CEP290: variants seen among roughly 807,000 people sequenced by gnomAD.
CEP290 encodes the protein centrosomal protein 290.
A neutral mutation model predicts 344.9 loss-of-function variants in CEP290; 317 were observed. The observed-to-expected ratio is 0.92, with a 90% CI of 0.84 to 1.01. The LOEUF is 1.01. Among genes scored for constraint, CEP290 ranks in the 50% least tolerant of loss-of-function variants. The pLI is 0.00. For missense variants in CEP290, 2,754 were observed against 2,761.4 expected (o/e 1.00, Z 0.06); for synonymous variants, 932 against 895.8 (o/e 1.04, Z -0.72).
At chr12:88,058,379 G>C (rs545875584) in intron 49 of CEP290, 2 of 155,936 alleles carry the variant, frequency 1.3e-5, no homozygotes, top group South Asian at 4.0e-4. Flanking sequence ...AGTTGCCCAG[G>C]ATATAACTCT....
At chr12:88,122,372 T>C (rs143575035) in intron 13 of CEP290, among the ~76,000 whole-genome samples, 74 of 152,260 alleles carry the variant, frequency 4.9e-4, no homozygotes, top group African/African-American at 1.5e-3. Context: ...TCCATCCATT[T>C]TGGATGGGGC....
intron 28 of CEP290, chr12:88,093,553 CTAA>C: frequency 4.4e-6 from 2 of 455,102 alleles, no homozygotes; most frequent in Non-Finnish European, 3.9e-6. Context: ...TAAATTAAAT[CTAA>C]TAATATAACA....
intron 4 of CEP290, 61 bp downstream of exon 4, chr12:88,139,434 T>C (rs2040515755): frequency 8.7e-7 from 1 of 1,147,656 alleles, no homozygotes; most frequent in Non-Finnish European, 1.2e-6. Flanking sequence ...TTTTCTACAG[T>C]TTAATGAACA....
chr12:88,080,517 C>T (rs765728624), intron 37 of CEP290, 122 bp from the exon 38 acceptor site: 2 of 657,644 alleles, frequency 3.0e-6, no homozygotes, highest in Non-Finnish European at 5.0e-6. Flanking sequence ...GCAACCTCTG[C>T]CTCCCAGATT....
intron 39 of CEP290, among the ~76,000 whole-genome samples, chr12:88,078,132 A>T (rs1256829175): frequency 6.6e-6 from 1 of 151,940 alleles, no homozygotes; most frequent in African/African-American, 2.4e-5. Context: ...AAAAAAAAAA[A>T]AAACTAGTGT....
Position 88,071,919 on chromosome 12 carries a change from T to C in CEP290, c.5717A>G (p.Lys1906Arg). Residue 1906 changes from lysine (K) to arginine (R), a missense_variant, in exon 42 of 54, where the codon AAA becomes AGA. Coordinates refer to ENST00000552810, the MANE Select transcript of CEP290 (RefSeq NM_025114.4). ...DLKPMKEKNA[K>R]EELIRWEEGK... is the part of the protein sequence containing the mutation. ...TTCTTCCCACCTAATTAATTCTTCT[T>C]TAGCATTCTGTAACAATAACGAAGG... 1 of 1,589,420 alleles carries C rather than the reference T, an allele frequency of 6.3e-7. No homozygotes were observed. Among genetic ancestry groups the C allele is most frequent in the Non-Finnish European group, 8.5e-7 (1 of 1,171,322 alleles).
chr12:88,058,637 C>T (rs2034208422), intron 49 of CEP290: 1 of 586,128 alleles, frequency 1.7e-6, no homozygotes, highest in East Asian at 3.0e-5. Context: ...CCATGCCCTG[C>T]CACCCAAACA....
chr12:88,118,511 T>C lies in CEP290; in HGVS notation c.1683A>G (p.Gln561=), dbSNP rs2039202229. 1.3e-6 allele frequency: 2 copies of C among 1,566,194 alleles called. No homozygotes were observed. Among genetic ancestry groups the C allele is most frequent in the Non-Finnish European group, 1.7e-6 (2 of 1,153,752 alleles). ...DLKKKIRQMA[Q]ERGKRSATSG... The stretch of plus-strand genomic sequence containing the variant: ...AAGTTGCACTTCTTTTTCCTCTTTC[T>C]TGAGCCATTTGACGAATTTTTTTTT... The change falls in exon 17 of 54, where the codon CAA becomes CAG. Residue 561 remains glutamine, a synonymous_variant. Coordinates refer to ENST00000552810, the MANE Select transcript of CEP290 (RefSeq NM_025114.4).
At position 88,071,785 on chromosome 12, in the gene CEP290, CA is replaced by C. The variant is rs386834159; in HGVS notation, c.5850del (p.Phe1950LeufsTer15). 43 of 1,588,746 alleles carry C rather than the reference CA, an allele frequency of 2.7e-5. No homozygotes were observed. The highest frequency in any genetic ancestry group is 3.5e-5 in the Non-Finnish European group (41 of 1,171,182). On this transcript the variant is annotated frameshift_variant, in exon 42 of 54. Coordinates refer to ENST00000552810, the MANE Select transcript of CEP290 (RefSeq NM_025114.4). LOFTEE classifies it high-confidence loss of function. ...TKQLNTLKDLFAKADKEKLTL... is the reference protein window; with the variant it reads ...TKQLNTLKDLXAKADKEKLTL... ...TATAATGATATTTAAACTCACTTGG[CA>C]AAAAGATCCTTCAAAGTATTCAACT... is the stretch of plus-strand genomic sequence containing the variant.
At chr12:88,090,187 C>G (rs2036917610) in intron 30 of CEP290, among the ~76,000 whole-genome samples, 1 of 152,180 alleles carries the variant, frequency 6.6e-6, no homozygotes, top group Non-Finnish European at 1.5e-5. Flanking sequence ...CTACAATTCT[C>G]AGTGTCCTAA....
chr12:88,070,372 T>TGTCTGCA (rs2035277410), intron 43 of CEP290, among the ~76,000 whole-genome samples: 1 of 152,212 alleles, frequency 6.6e-6, no homozygotes, highest in Non-Finnish European at 1.5e-5. Flanking sequence ...TGAAGATGGG[T>TGTCTGCA]GTCTGCACTG....
Position 88,118,655 on chromosome 12 carries a change from A to T in CEP290, c.1611T>A (p.Ile537=), listed in dbSNP as rs1565897528. 3 of 1,613,418 alleles carry T rather than the reference A, an allele frequency of 1.9e-6. No homozygotes were observed. Among genetic ancestry groups the T allele is most frequent in the Admixed American group, 1.7e-5 (1 of 60,026 alleles). ...CTACCACACTTGCCTCTTTCAAAAG[A>T]ATCTGGTTTTCAGCTCTGTACTGCT... ...KQQQYRAENQ[I]LLKEIESLEE... Residue 537 remains isoleucine (I), a synonymous_variant, in exon 16 of 54, where the codon ATT becomes ATA. Transcript: ENST00000552810.
chr12:88,103,228 CTTTAATAACTCCTG>C, intron 25 of CEP290: 1 of 303,092 alleles, frequency 3.3e-6, no homozygotes, highest in Non-Finnish European at 5.9e-6. Context: ...AAATAAAATA[CTTTAATAACTCCTG>C]TCATTGTAAA....
chr12:88,086,864 G>C (rs755851955), intron 32 of CEP290, among the ~76,000 whole-genome samples: 3 of 152,216 alleles, frequency 2.0e-5, no homozygotes, highest in Non-Finnish European at 4.4e-5. Context: ...GCGAAGGAAA[G>C]ACAGTCAATA....
intron 41 of CEP290, among the ~76,000 whole-genome samples, chr12:88,073,118 C>T (rs936837617): frequency 6.6e-6 from 1 of 152,106 alleles, no homozygotes; most frequent in African/African-American, 2.4e-5. Flanking sequence ...TTACACTGGT[C>T]TGAGCTAAGA....
In CEP290 at chr12:88,111,350, A is replaced by G; in HGVS notation, c.2219T>C (p.Ile740Thr). The part of the protein sequence containing the change: ...SQQLAKANLK[I>T]DHLEKETSLL... The stretch of plus-strand genomic sequence containing the variant: ...ACTAGTTTCTTTTTCAAGATGGTCT[A>G]TCTGGAAAAAAAAATCCAGCAATGA... Residue 740 changes from isoleucine to threonine, a missense_variant and splice_region_variant, in exon 22 of 54, where the codon ATA (isoleucine) becomes ACA (threonine). Ile to Thr is a moderately conservative substitution (Grantham distance 89). Transcript: ENST00000552810. The G allele has an allele frequency of 6.4e-7, 1 of 1,563,054 alleles. No individual in the cohort carries two copies. Among genetic ancestry groups the G allele is most frequent in the Non-Finnish European group, 8.6e-7 (1 of 1,156,332 alleles).
intron 6 of CEP290, among the ~76,000 whole-genome samples, chr12:88,134,809 A>G (rs1293557866): frequency 6.6e-6 from 1 of 152,204 alleles, no homozygotes; most frequent in African/African-American, 2.4e-5. Flanking sequence ...ATTTCAGTCA[A>G]AATGAATAAC....
intron 45 of CEP290, 60 bp downstream of exon 45, chr12:88,063,921 A>G: frequency 1.0e-5 from 14 of 1,400,182 alleles, no homozygotes; most frequent in African/African-American, 1.5e-5. Context: ...AAAAGTAAAC[A>G]TAACAACTAA....
At chr12:88,115,045 T>A (rs1457436441) in intron 19 of CEP290, 53 bp downstream of exon 19, 2 of 963,202 alleles carry the variant, frequency 2.1e-6, no homozygotes, top group East Asian at 5.3e-5. Flanking sequence ...AGGCCCATGA[T>A]TTTAAGTATA....
Sources: allele counts gnomAD v4.1 joint callset (sites outside exome capture counted in the v4.1 genomes callset), GRCh38; gene constraint gnomAD v4.1.1; transcripts MANE v1.5; gene names NCBI Gene and HGNC (gene_info 2026-07-23, HGNC 2026-07-21).